Variants in PLEKHN1 observed in about 807,000 individuals in gnomAD.
The protein encoded by PLEKHN1 is pleckstrin homology domain containing N1, also known as pleckstrin homology domain-containing family N member 1.
Under a neutral mutation model 72.8 loss-of-function variants are expected in PLEKHN1, and 68 were observed. The ratio of observed to expected loss-of-function variants is 0.93; its 90% confidence interval spans 0.77 to 1.14. The LOEUF (loss-of-function observed/expected upper bound fraction) is 1.14. Ranked by LOEUF, PLEKHN1 falls within the 50% of genes most tolerant of loss-of-function variation. The pLI is 0.00. For synonymous variants in PLEKHN1, 454 were observed against 371.6 expected (o/e 1.22, Z -2.55); for missense variants, 1,015 against 840.5 (o/e 1.21, Z -2.57).
Position 970,355 on chromosome 1 carries a change from G to C in PLEKHN1, c.262G>C (p.Val88Leu). Reference protein sequence around the residue: ...LSVFKKGRRRVPVRNLGKVVH... With the variant: ...LSVFKKGRRRLPVRNLGKVVH... ...TGTGTTCAAGAAGGGGCGGCGGAGG[G>C]TGCCTGTGAGGAACCTGGGAAAAGT... The change falls in exon 3 of 16, where the codon GTG becomes CTG. Residue 88 changes from valine (V) to leucine (L), a missense_variant. Val to Leu is a conservative substitution (Grantham distance 32). Transcript: ENST00000379410. The surrounding 1 kb of genome is among the most constrained non-coding windows in gnomAD (Gnocchi z 4.2). 6.2e-7 allele frequency: 1 copy of C among 1,613,578 alleles called. No individual in the cohort carries two copies. The highest frequency in any genetic ancestry group is 8.5e-7 in the Non-Finnish European group (1 of 1,179,942).
Position 971,362 on chromosome 1 carries a change from C to T in PLEKHN1, c.747C>T (p.Ser249=). 1 of 1,591,998 alleles carries T rather than the reference C, an allele frequency of 6.3e-7. No homozygotes were observed. The highest frequency in any genetic ancestry group is 8.5e-7 in the Non-Finnish European group (1 of 1,170,462). The part of the protein sequence containing the change: ...WDRLLVLYPT[S]LAIFSEELDG... ...GGCTCTTGGTCCTGTACCCAACGTCCTTGGCCATTTTCTCCGAGGAGCTGG... is the reference window on the plus strand; with the variant it reads ...GGCTCTTGGTCCTGTACCCAACGTCTTTGGCCATTTTCTCCGAGGAGCTGG... Residue 249 remains serine, a synonymous_variant, in exon 8 of 16, where the codon TCC becomes TCT. Coordinates refer to ENST00000379410, the MANE Select transcript of PLEKHN1 (RefSeq NM_032129.3).
intron 12 of PLEKHN1, 24 bp from the exon 13 acceptor site, chr1:973,476 A>G: frequency 1.2e-6 from 2 of 1,610,272 alleles, no homozygotes; most frequent in Non-Finnish European, 1.7e-6. Context: ...CGAGAAGCCC[A>G]TTTCTCCCAC....
intron 10 of PLEKHN1, 75 bp downstream of exon 10, chr1:972,499 C>T (rs530960439): frequency 2.2e-5 from 32 of 1,441,346 alleles, no homozygotes; most frequent in African/African-American, 1.3e-4. Flanking sequence ...GGCGTGGTGG[C>T]GCACGCCTGT....
Position 974,701 on chromosome 1 carries a change from T to C in PLEKHN1, c.*126T>C. 1.6e-6 allele frequency: 2 copies of C among 1,258,708 alleles called. No individual in the cohort carries two copies. The highest frequency in any genetic ancestry group is 2.6e-5 in the Admixed American group (1 of 38,180). 78.0% of individuals were successfully genotyped at this position (1,258,708 alleles called of 1,614,324 possible). A position where few individuals can be genotyped will look rare whatever the true frequency, so the allele number is the denominator to read the frequency against. ...GTGATGGGGGGAGTCTCTGGGGCCC[T>C]GAGTTCAGAGCCCGTCCCTCAGCTC... is the stretch of plus-strand genomic sequence containing the variant. On this transcript the variant is annotated 3_prime_UTR_variant, in exon 16 of 16. Coordinates refer to ENST00000379410, the MANE Select transcript of PLEKHN1 (RefSeq NM_032129.3).
rs753869694 is a variant in PLEKHN1 at position 972,361 on chromosome 1, C to T, written c.939C>T (p.Arg313=). ...EDYGHWLLCL[R]AVTHREGAPP... Reference sequence around the variant, plus strand: ...ACGGTCACTGGCTGCTGTGCCTTCGCGCTGTCACCCACAGGGAGGGGGCCC... The same window carrying T: ...ACGGTCACTGGCTGCTGTGCCTTCGTGCTGTCACCCACAGGGAGGGGGCCC... The change falls in exon 10 of 16, where the codon CGC becomes CGT. Residue 313 remains arginine, a synonymous_variant. Transcript: ENST00000379410. 2.1e-5 allele frequency: 34 copies of T among 1,602,972 alleles called. No individual in the cohort carries two copies. Among genetic ancestry groups the T allele is most frequent in the South Asian group, 1.1e-4 (10 of 89,482 alleles).
Position 973,298 on chromosome 1 carries a change from T to TCACCC in PLEKHN1, c.1269_1273dup (p.Leu425ProfsTer7). 1 of 1,545,774 alleles carries TCACCC rather than the reference T, an allele frequency of 6.5e-7. No individual in the cohort carries two copies. The highest frequency in any genetic ancestry group is 8.8e-7 in the Non-Finnish European group (1 of 1,141,510). ...GCCCGGGCAGAGGGCCGCGGCCCTG[T>TCACCC]CACCCCACTGCACCTGGACCTGACC... is the stretch of plus-strand genomic sequence containing the variant. On this transcript the variant is annotated frameshift_variant, in exon 12 of 16. Transcript: ENST00000379410. LOFTEE classifies it high-confidence loss of function.
rs1643277783 is a variant in PLEKHN1, at chr1:970,804, G to A, written c.484+46G>A. 1 of 1,612,712 alleles carries A rather than the reference G, an allele frequency of 6.2e-7. No homozygotes were observed. The highest frequency in any genetic ancestry group is 1.1e-5 in the South Asian group (1 of 91,076). On this transcript the variant is annotated intron_variant, in intron 5 of 15. Coordinates refer to ENST00000379410, the MANE Select transcript of PLEKHN1 (RefSeq NM_032129.3). This position sits in a 1 kb window ranked among gnomAD's most constrained non-coding sequence, Gnocchi z 4.2. ...GCCCCCAGAGGCACTCCTGACCCAG[G>A]ACTTGGAGAGGGGCCTGCCCTGTGG...
At position 972,360 on chromosome 1, in the gene PLEKHN1, G is replaced by A. The variant is rs112235940; in HGVS notation, c.938G>A (p.Arg313His). The A allele has an allele frequency of 9.3e-5, 149 of 1,604,884 alleles. No individual in the cohort carries two copies. Among genetic ancestry groups the A allele is most frequent in the Non-Finnish European group, 1.1e-4 (132 of 1,177,198 alleles). ...EDYGHWLLCL[R>H]AVTHREGAPP... ...TACGGTCACTGGCTGCTGTGCCTTCGCGCTGTCACCCACAGGGAGGGGGCC... is the reference window on the plus strand; with the variant it reads ...TACGGTCACTGGCTGCTGTGCCTTCACGCTGTCACCCACAGGGAGGGGGCC... Residue 313 changes from arginine to histidine, a missense_variant, in exon 10 of 16, where the codon CGC (arginine) becomes CAC (histidine). By Grantham distance (29) the Arg-to-His change is conservative. Coordinates refer to ENST00000379410, the MANE Select transcript of PLEKHN1 (RefSeq NM_032129.3).
Position 973,966 on chromosome 1 carries a change from A to C in PLEKHN1, c.1568A>C (p.Lys523Thr). The change falls in exon 14 of 16, where the codon AAG becomes ACG. Residue 523 changes from lysine to threonine, a missense_variant. By Grantham distance (78) the Lys-to-Thr change is moderately conservative. Coordinates refer to ENST00000379410, the MANE Select transcript of PLEKHN1 (RefSeq NM_032129.3). The stretch of plus-strand genomic sequence containing the variant: ...GCTGGCCCCTACTTGCTCTCCAAGA[A>C]GGGAGCCCTGCAGTCCAGAGCCGCT... ...GPAGPYLLSK[K>T]GALQSRAAQR... 1 of 1,610,100 alleles carries C rather than the reference A, an allele frequency of 6.2e-7. No individual in the cohort carries two copies. Among genetic ancestry groups the C allele is most frequent in the East Asian group, 2.2e-5 (1 of 44,862 alleles).
chr1:967,136 G>T (rs1174466482), intron 2 of PLEKHN1, among the ~76,000 whole-genome samples: 2 of 152,218 alleles, frequency 1.3e-5, no homozygotes, highest in Non-Finnish European at 2.9e-5. Flanking sequence ...GGCAGGTAGT[G>T]TCACTTGAGA....
In PLEKHN1 at chr1:973,817, C is replaced by T. The variant is rs771265324; in HGVS notation, c.1435-16C>T. 3 of 1,605,724 alleles carry T rather than the reference C, an allele frequency of 1.9e-6. No homozygotes were observed. In the East Asian group the frequency reaches 6.7e-5, roughly 36 times the overall value. On this transcript the variant is annotated splice_polypyrimidine_tract_variant and intron_variant, in intron 13 of 15. Transcript: ENST00000379410. ...CCTGGCTGCCACCCAGGCCCCAGCC[C>T]TGGCTCTCCCTGCAGTTCCTCAGTG... is the stretch of plus-strand genomic sequence containing the variant.
chr1:967,709 G>A (rs546170539), intron 2 of PLEKHN1, among the ~76,000 whole-genome samples: 1 of 152,332 alleles, frequency 6.6e-6, no homozygotes, highest in African/African-American at 2.4e-5. Context: ...GCTCCCTGCA[G>A]ACAAGTACTG....
chr1:966,552 C>T lies in PLEKHN1; in HGVS notation c.21C>T (p.Val7=), dbSNP rs1385604477. MGNSHC[V]PQAPRRLRAS... Reference sequence around the variant, plus strand: ...TGGCCATGGGGAACAGCCACTGTGTCCCTCAGGCCCCCAGGAGGCTCCGGG... The same window carrying T: ...TGGCCATGGGGAACAGCCACTGTGTTCCTCAGGCCCCCAGGAGGCTCCGGG... The change falls in exon 1 of 16, where the codon GTC becomes GTT. Residue 7 remains valine, a synonymous_variant. Transcript: ENST00000379410. The T allele has an allele frequency of 7.5e-6, 12 of 1,609,416 alleles. No homozygotes were observed. Among genetic ancestry groups the T allele is most frequent in the African/African-American group, 4.0e-5 (3 of 74,830 alleles).
chr1:972,171 C>G (rs951401546), intron 9 of PLEKHN1, 21 bp downstream of exon 9: 1 of 1,611,526 alleles, frequency 6.2e-7, no homozygotes, highest in African/African-American at 1.3e-5. Context: ...GACCCTGGTT[C>G]TGCCTCCCGC....
chr1:972,729 G>C, intron 10 of PLEKHN1, 132 bp from the exon 11 acceptor site: 1 of 1,202,244 alleles, frequency 8.3e-7, no homozygotes, highest in African/African-American at 1.6e-5. Context: ...TCGTGCCACT[G>C]TACTGCAGCC....
At position 973,183 on chromosome 1, in the gene PLEKHN1, C is replaced by T; in HGVS notation, c.1153-3C>T. On this transcript the variant is annotated splice_polypyrimidine_tract_variant and splice_region_variant and intron_variant, in intron 11 of 15. Transcript: ENST00000379410. ...CTTCCTGGAAGGTTTGTGGTCCCCA[C>T]AGGACCAGGCCAACTCTGACCGTGC... 2 of 1,518,638 alleles carry T rather than the reference C, an allele frequency of 1.3e-6. No individual in the cohort carries two copies. Among genetic ancestry groups the T allele is most frequent in the Non-Finnish European group, 1.8e-6 (2 of 1,125,110 alleles). The allele number at this position is 1,518,638 out of a possible 1,614,324, so 94.1% of individuals were successfully genotyped here.
chr1:967,753 C>G (rs1328790178), intron 2 of PLEKHN1, among the ~76,000 whole-genome samples: 1 of 152,198 alleles, frequency 6.6e-6, no homozygotes, highest in Non-Finnish European at 1.5e-5. Context: ...GAGGAGTGGG[C>G]AGGGAGAGGG....
intron 14 of PLEKHN1, 112 bp downstream of exon 14, chr1:974,163 C>A: frequency 6.8e-7 from 1 of 1,477,048 alleles, no homozygotes; most frequent in Non-Finnish European, 9.3e-7. Flanking sequence ...AGGACGGGGG[C>A]AGATGGAGGC....
Position 973,322 on chromosome 1 carries a change from C to A in PLEKHN1, c.1289C>A (p.Thr430Asn), listed in dbSNP as rs551190303. 2.5e-5 allele frequency: 39 copies of A among 1,544,160 alleles called. No individual in the cohort carries two copies. In the Admixed American group the frequency reaches 4.5e-4, roughly 18 times the overall value. ...GPVTPLHLDL[T>N]QLHRLSLESS... ...GTCACCCCACTGCACCTGGACCTGACCCAGGTGGGCCCAGCACACCCACAC... is the reference window on the plus strand; with the variant it reads ...GTCACCCCACTGCACCTGGACCTGAACCAGGTGGGCCCAGCACACCCACAC... Residue 430 changes from threonine (T) to asparagine (N), a missense_variant, in exon 12 of 16, where the codon ACC (threonine) becomes AAC (asparagine). Coordinates refer to ENST00000379410, the MANE Select transcript of PLEKHN1 (RefSeq NM_032129.3).
Sources: gnomAD v4.1 joint callset for allele counts (sites outside exome capture counted in the v4.1 genomes callset) on GRCh38, gnomAD v4.1.1 for gene constraint, Gnocchi (gnomAD v3.1) non-coding constraint, MANE v1.5 for transcripts, NCBI Gene and HGNC (gene_info 2026-07-23, HGNC 2026-07-21) for gene names.